The following FAM83H variants were observed in gnomAD, a reference collection of about 807,000 sequenced individuals.
FAM83H encodes the protein scaffolding CK1 anchoring protein H.
A neutral mutation model predicts 30.2 loss-of-function variants in FAM83H; 24 were observed. The ratio of observed to expected loss-of-function variants is 0.79; its 90% CI spans 0.57 to 1.12. The LOEUF (loss-of-function observed/expected upper bound fraction) is 1.12. Ranked by LOEUF, FAM83H falls within the 50% of genes most tolerant of loss-of-function variation. The pLI is 0.00. For synonymous variants in FAM83H, 1,013 were observed against 821.7 expected (o/e 1.23, Z -3.98); for missense variants, 2,038 against 1,773.9 (o/e 1.15, Z -2.67).
chr8:143,726,377 G>A lies in FAM83H; in HGVS notation c.3084C>T (p.Ala1028=). Residue 1028 remains alanine (A), a synonymous_variant, in exon 5 of 5, where the codon GCC becomes GCT. Transcript: ENST00000388913. The part of the protein sequence containing the change: ...GPRARLSSAT[A]NALYSSNLRD... ...GAAGGTTGCTGCTGTACAAGGCGTT[G>A]GCCGTGGCTGAGGACAGGCGCGCCC... 3 of 1,610,572 alleles carry A rather than the reference G, an allele frequency of 1.9e-6. No individual in the cohort carries two copies. The highest frequency in any genetic ancestry group is 2.5e-6 in the Non-Finnish European group (3 of 1,179,392).
chr8:143,733,071 G>GA lies in FAM83H; in HGVS notation c.-16+619dup. On this transcript the variant is annotated intron_variant, in intron 1 of 4. Transcript: ENST00000388913. This position sits in a 1 kb window ranked among gnomAD's most constrained non-coding sequence, Gnocchi z 5.6. ...GAGGGCGCGGAGGCTCTAGGCGGCGGAAAGGTGGGGTGCGGAGGACGGGGC... is the reference window on the plus strand; with the variant it reads ...GAGGGCGCGGAGGCTCTAGGCGGCGGAAAAGGTGGGGTGCGGAGGACGGGGC... 6.5e-6 allele frequency: 1 copy of GA among 154,732 alleles called. No homozygotes were observed. The highest frequency in any genetic ancestry group is 5.2e-4 in the Middle Eastern group (1 of 1,918). The allele number at this position is 154,732 out of a possible 1,614,324, so 9.6% of individuals were successfully genotyped here.
In FAM83H at chr8:143,727,263, T is replaced by A. The variant is rs1818335132; in HGVS notation, c.2198A>T (p.Lys733Met). The change falls in exon 5 of 5, where the codon AAG becomes ATG. Residue 733 changes from lysine to methionine, a missense_variant. Transcript: ENST00000388913. ...GTACTTCTCCAGCAGCTCCGCCACC[T>A]TGGTGGAAGCCGCGGAGCGCACGGC... ...GEAVRSAAST[K>M]VAELLEKYKG... 7 of 1,535,402 alleles carry A rather than the reference T, an allele frequency of 4.6e-6. No homozygotes were observed. The highest frequency in any genetic ancestry group is 5.2e-6 in the Non-Finnish European group (6 of 1,146,506).
chr8:143,731,572 C>A (rs781863190), intron 1 of FAM83H: 32 of 985,102 alleles, frequency 3.2e-5, no homozygotes, highest in Non-Finnish European at 3.6e-5. Flanking sequence ...CCCAGCACCC[C>A]CTCCTTCCCT....
Position 143,729,081 on chromosome 8 carries a change from A to G in FAM83H, c.623T>C (p.Val208Ala). 1 of 1,613,598 alleles carries G rather than the reference A, an allele frequency of 6.2e-7. No homozygotes were observed. The highest frequency in any genetic ancestry group is 8.5e-7 in the Non-Finnish European group (1 of 1,179,988). ...GTAGGTGGGGCCCGCCACAGTCCGT[A>G]CGCGCAGGAACTGGGGAGGGAGGGG... The part of the protein sequence containing the change: ...VNLQHVDFLR[V>A]RTVAGPTYYC... The change falls in exon 4 of 5, where the codon GTA becomes GCA. Residue 208 changes from valine to alanine, a missense_variant. Val to Ala is a moderately conservative substitution (Grantham distance 64, BLOSUM62 0). Coordinates refer to ENST00000388913, the MANE Select transcript of FAM83H (RefSeq NM_198488.5).
rs1554623289 is a variant in FAM83H at position 143,728,306 on chromosome 8, C to A, written c.1155G>T (p.Gly385=). ...PLSRRLEAEA[G]PAGELAGARG... is the part of the protein sequence containing the mutation. ...GCGCGCCCGCGAGCTCCCCAGCCGG[C>A]CCGGCCTCGGCCTCCAGGCGCCGCG... The change falls in exon 5 of 5, where the codon GGG becomes GGT. Residue 385 remains glycine (G), a synonymous_variant. Transcript: ENST00000388913. The A allele has an allele frequency of 6.9e-7, 1 of 1,459,180 alleles. No homozygotes were observed. The highest frequency in any genetic ancestry group is 9.0e-7 in the Non-Finnish European group (1 of 1,111,016). 90.4% of individuals were successfully genotyped at this position (1,459,180 alleles called of 1,614,324 possible).
At chr8:143,730,092 G>A (rs1818459323) in intron 2 of FAM83H, 44 bp downstream of exon 2, 1 of 1,470,964 alleles carries the variant, frequency 6.8e-7, no homozygotes, top group Non-Finnish European at 9.1e-7. Context: ...CGTGCCTCTA[G>A]CCCAGGCCCC....
At position 143,728,973 on chromosome 8, in the gene FAM83H, C is replaced by T; in HGVS notation, c.731G>A (p.Ser244Asn). The T allele has an allele frequency of 6.2e-7, 1 of 1,613,670 alleles. No homozygotes were observed. Among genetic ancestry groups the T allele is most frequent in the Non-Finnish European group, 8.5e-7 (1 of 1,179,998 alleles). ...LVDCAVVMSG[S>N]YSFMWSFEKI... ...GGGAGCCCCGCGGGCGCACCTGTAG[C>T]TCCCACTCATCACCACGGCACAGTC... The change falls in exon 4 of 5, where the codon AGC becomes AAC. Residue 244 changes from serine (S) to asparagine (N), a missense_variant. By Grantham distance (46) the Ser-to-Asn change is conservative. Transcript: ENST00000388913.
Position 143,728,351 on chromosome 8 carries a change from G to C in FAM83H, c.1110C>G (p.His370Gln). 1 of 1,532,332 alleles carries C rather than the reference G, an allele frequency of 6.5e-7. No homozygotes were observed. The highest frequency in any genetic ancestry group is 1.4e-5 in the African/African-American group (1 of 71,604). The allele number at this position is 1,532,332 out of a possible 1,614,324, so 94.9% of individuals were successfully genotyped here. A position where few individuals can be genotyped will look rare whatever the true frequency, so the allele number is the denominator to read the frequency against. Residue 370 changes from histidine to glutamine, a missense_variant, in exon 5 of 5, where the codon CAC becomes CAG. Coordinates refer to ENST00000388913, the MANE Select transcript of FAM83H (RefSeq NM_198488.5). ...PRMPGGALEPHAGLRPLSRRL... is the reference protein window; with the variant it reads ...PRMPGGALEPQAGLRPLSRRL... ...GCCGCGAGAGCGGCCGCAGCCCCGC[G>C]TGCGGTTCCAGCGCGCCCCCCGGCA...
At chr8:143,731,544 T>C in intron 1 of FAM83H, 1 of 985,444 alleles carries the variant, frequency 1.0e-6, no homozygotes, top group Non-Finnish European at 1.2e-6. Context: ...CACTGATCCC[T>C]AGACTCCGTC....
In FAM83H at chr8:143,728,123, G is replaced by C. The variant is rs782059434; in HGVS notation, c.1338C>G (p.Ser446Arg). The C allele has an allele frequency of 5.6e-6, 9 of 1,610,584 alleles. No homozygotes were observed. Among genetic ancestry groups the C allele is most frequent in the Admixed American group, 3.3e-5 (2 of 59,936 alleles). ...GGTAGAGCTGGTCACGGTGGAAGTG[G>C]CTGGTCTGGAAGCGGAAGTCGTCGC... is the stretch of plus-strand genomic sequence containing the variant. ...SHGDDFRFQT[S>R]HFHRDQLYQQ... The change falls in exon 5 of 5, where the codon AGC becomes AGG. Residue 446 changes from serine (S) to arginine (R), a missense_variant. Ser to Arg is a moderately radical substitution (Grantham distance 110, BLOSUM62 -1). Transcript: ENST00000388913.
At position 143,730,381 on chromosome 8, in the gene FAM83H, G is replaced by C. The variant is rs782700536; in HGVS notation, c.202C>G (p.Leu68Val). Residue 68 changes from leucine to valine, a missense_variant, in exon 2 of 5, where the codon CTT (leucine) becomes GTT (valine). Transcript: ENST00000388913. Reference protein sequence around the residue: ...PEELEHVSRHLRPPQYVTREP... With the variant: ...PEELEHVSRHVRPPQYVTREP... Reference sequence around the variant, plus strand: ...CGGGTAACATACTGCGGAGGCCGAAGGTGTCGGCTCACATGTTCCAGCTCT... The same window carrying C: ...CGGGTAACATACTGCGGAGGCCGAACGTGTCGGCTCACATGTTCCAGCTCT... The C allele has an allele frequency of 2.5e-6, 4 of 1,613,420 alleles. No homozygotes were observed. The African/African-American group carries it at 5.3e-5, about 22-fold the overall frequency.
At position 143,726,224 on chromosome 8, in the gene FAM83H, G is replaced by A. The variant is rs782667814; in HGVS notation, c.3237C>T (p.Val1079=). The part of the protein sequence containing the change: ...PELGRPPAAG[V]LAPDMSDKDK... ...CCTTGTCGGACATATCTGGGGCCAG[G>A]ACGCCAGCAGCCGGTGGACGGCCTA... The change falls in exon 5 of 5, where the codon GTC becomes GTT. Residue 1079 remains valine, a synonymous_variant. Transcript: ENST00000388913. 6.2e-6 allele frequency: 10 copies of A among 1,612,260 alleles called. No homozygotes were observed. The highest frequency in any genetic ancestry group is 5.0e-5 in the Admixed American group (3 of 59,990).
In FAM83H at chr8:143,729,086, C is replaced by T. The variant is rs1231760752; in HGVS notation, c.618G>A (p.Leu206=). The T allele has an allele frequency of 6.2e-7, 1 of 1,613,634 alleles. No individual in the cohort carries two copies. Among genetic ancestry groups the T allele is most frequent in the African/African-American group, 1.3e-5 (1 of 74,916 alleles). Residue 206 remains leucine, a synonymous_variant, in exon 4 of 5, where the codon CTG becomes CTA. Coordinates refer to ENST00000388913, the MANE Select transcript of FAM83H (RefSeq NM_198488.5). The part of the protein sequence containing the change: ...CRVNLQHVDF[L]RVRTVAGPTY... ...TGGGGCCCGCCACAGTCCGTACGCGCAGGAACTGGGGAGGGAGGGGAGTCA... is the reference window on the plus strand; with the variant it reads ...TGGGGCCCGCCACAGTCCGTACGCGTAGGAACTGGGGAGGGAGGGGAGTCA...
In FAM83H at chr8:143,726,142, G is replaced by A. The variant is rs202021527; in HGVS notation, c.3319C>T (p.Arg1107Cys). Residue 1107 changes from arginine to cysteine, a missense_variant, in exon 5 of 5, where the codon CGC (arginine) becomes TGC (cysteine). Physicochemically the swap from Arg to Cys is radical, Grantham distance 180 (BLOSUM62 -3). Coordinates refer to ENST00000388913, the MANE Select transcript of FAM83H (RefSeq NM_198488.5). ...TCCTCCGCGCTGGCTGGCAGCGTGC[G>A]GCTCAGCCGGCCCTGGGTCCCCAAG... The part of the protein sequence containing the change: ...DSLGTQGRLS[R>C]TLPASAEERD... 19 of 1,611,530 alleles carry A rather than the reference G, an allele frequency of 1.2e-5. No homozygotes were observed. Among genetic ancestry groups the A allele is most frequent in the Non-Finnish European group, 1.5e-5 (18 of 1,179,400 alleles).
Position 143,728,204 on chromosome 8 carries a change from G to T in FAM83H, c.1257C>A (p.Ala419=), listed in dbSNP as rs781991113. The change falls in exon 5 of 5, where the codon GCC becomes GCA. Residue 419 remains alanine (A), a synonymous_variant. Transcript: ENST00000388913. ...RHSFATEGAG[A]VENFAAARQV... is the part of the protein sequence containing the mutation. ...GCCGCGCGGCCGCGAAGTTCTCCAC[G>T]GCGCCCGCGCCCTCGGTCGCGAAGC... 1 of 1,601,354 alleles carries T rather than the reference G, an allele frequency of 6.2e-7. No homozygotes were observed. The highest frequency in any genetic ancestry group is 1.1e-5 in the South Asian group (1 of 90,464).
At position 143,725,169 on chromosome 8, in the gene FAM83H, G is replaced by GT; in HGVS notation, c.*751_*752insA. The GT allele has an allele frequency of 7.5e-6, 1 of 132,616 alleles. No homozygotes were observed. Among genetic ancestry groups the GT allele is most frequent in the Non-Finnish European group, 1.7e-5 (1 of 59,740 alleles). 8.2% of individuals were successfully genotyped at this position (132,616 alleles called of 1,614,324 possible). A position where few individuals can be genotyped will look rare whatever the true frequency, so the allele number is the denominator to read the frequency against. ...GGAGGGGGGAGACGGGGGGGGGGGGGGGGGAGGGAAGGAGGAGACCTTGAG... is the reference window on the plus strand; with the variant it reads ...GGAGGGGGGAGACGGGGGGGGGGGGGTGGGGAGGGAAGGAGGAGACCTTGAG... On this transcript the variant is annotated 3_prime_UTR_variant, in exon 5 of 5. Transcript: ENST00000388913.
intron 1 of FAM83H, chr8:143,731,836 C>T (rs1394480008): frequency 5.8e-5 from 57 of 985,334 alleles, no homozygotes; most frequent in African/African-American, 1.2e-4. Flanking sequence ...AGGGTCCCTG[C>T]GGGGGCCTGG....
chr8:143,728,812 G>A (rs1234745505), intron 4 of FAM83H, 89 bp from the exon 5 acceptor site: 4 of 1,597,224 alleles, frequency 2.5e-6, no homozygotes, highest in South Asian at 1.1e-5. Context: ...GAGGACGCAG[G>A]GATGTGAGGT....
rs782784789 is a variant in FAM83H, at chr8:143,728,373, G to A, written c.1088C>T (p.Pro363Leu). The A allele has an allele frequency of 2.0e-5, 31 of 1,543,952 alleles. No individual in the cohort carries two copies. In the South Asian group the frequency reaches 2.0e-4, roughly 10 times the overall value. ...AFRREEPPRM[P>L]GGALEPHAGL... ...CGCGTGCGGTTCCAGCGCGCCCCCC[G>A]GCATCCGCGGCGGCTCCTCCCGGCG... The change falls in exon 5 of 5, where the codon CCG (proline) becomes CTG (leucine). Residue 363 changes from proline to leucine, a missense_variant. Physicochemically the swap from Pro to Leu is moderately conservative, Grantham distance 98. Transcript: ENST00000388913.
Sources: allele counts gnomAD v4.1 joint callset, GRCh38; gene constraint gnomAD v4.1.1; non-coding constraint Gnocchi (gnomAD v3.1); transcripts MANE v1.5; gene names NCBI Gene and HGNC (gene_info 2026-07-23, HGNC 2026-07-21).